FGF14: variants seen among roughly 807,000 people sequenced by gnomAD.
The protein encoded by FGF14 is fibroblast growth factor homologous factor 4.
A neutral mutation model predicts 25.5 loss-of-function variants in FGF14; 5 were observed. The observed-to-expected ratio is 0.20, with a 90% CI of 0.10 to 0.41. The LOEUF (loss-of-function observed/expected upper bound fraction) is 0.41. Among genes scored for constraint, FGF14 ranks in the 10% least tolerant of loss-of-function variants. The pLI is 1.00. For missense variants in FGF14, 222 were observed against 320.1 expected (o/e 0.69, Z 2.34); for synonymous variants, 138 against 118.3 (o/e 1.17, Z -1.08).
chr13:102,177,485 A>G (rs1015797843), intron 1 of FGF14, among the ~76,000 whole-genome samples: 2 of 152,148 alleles, frequency 1.3e-5, no homozygotes, highest in African/African-American at 4.8e-5. Context: ...TTCCAAGGAA[A>G]ATCATCAGCT....
intron 1 of FGF14, among the ~76,000 whole-genome samples, chr13:102,196,490 A>G (rs1472870417): frequency 6.6e-6 from 1 of 152,220 alleles, no homozygotes; most frequent in African/African-American, 2.4e-5. Context: ...ACTGAAGGAC[A>G]TCTGATAAAC....
At chr13:102,194,617 C>T (rs987594647) in intron 1 of FGF14, among the ~76,000 whole-genome samples, 1 of 152,050 alleles carries the variant, frequency 6.6e-6, no homozygotes, top group Admixed American at 6.6e-5. Flanking sequence ...CCCTGTGATG[C>T]TATCAAGTGT....
chr13:102,074,181 A>T (rs2043263046), intron 1 of FGF14, among the ~76,000 whole-genome samples: 1 of 152,062 alleles, frequency 6.6e-6, no homozygotes, highest in East Asian at 1.9e-4. Flanking sequence ...TGGCAATTTT[A>T]AAAAATTTTT....
At chr13:101,855,352 G>T (rs1424170252) in intron 3 of FGF14, among the ~76,000 whole-genome samples, 1 of 151,922 alleles carries the variant, frequency 6.6e-6, no homozygotes, top group Non-Finnish European at 1.5e-5. Context: ...CTATTTTAAA[G>T]TACCAAATGC....
intron 1 of FGF14, among the ~76,000 whole-genome samples, chr13:102,332,865 G>A (rs148212733): frequency 3.3e-5 from 5 of 152,258 alleles, no homozygotes; most frequent in African/African-American, 9.6e-5. Context: ...CATGATAAGT[G>A]ATACTTCTCA....
At chr13:102,042,636 G>A (rs2041797496) in intron 1 of FGF14, among the ~76,000 whole-genome samples, 1 of 150,746 alleles carries the variant, frequency 6.6e-6, no homozygotes, top group African/African-American at 2.5e-5. Flanking sequence ...TGCCATGTAA[G>A]CACAAAGGTA....
chr13:101,928,285 C>T (rs2034508549), intron 1 of FGF14, among the ~76,000 whole-genome samples: 1 of 152,144 alleles, frequency 6.6e-6, no homozygotes, highest in Admixed American at 6.6e-5. Context: ...AATAAAGACA[C>T]TTTTTAGTAC....
intron 1 of FGF14, among the ~76,000 whole-genome samples, chr13:102,100,471 C>T (rs529731418): frequency 2.6e-5 from 4 of 152,284 alleles, no homozygotes; most frequent in African/African-American, 7.2e-5. Flanking sequence ...GAGGTGCTTC[C>T]GGACCGCTTG....
intron 3 of FGF14, among the ~76,000 whole-genome samples, chr13:101,735,044 G>A (rs1377658252): frequency 6.6e-6 from 1 of 152,192 alleles, no homozygotes; most frequent in East Asian, 1.9e-4. Flanking sequence ...TGCTTGTGCA[G>A]CTGGGATTGC....
At chr13:101,737,526 T>A (rs2036266594) in intron 3 of FGF14, among the ~76,000 whole-genome samples, 1 of 152,186 alleles carries the variant, frequency 6.6e-6, no homozygotes, top group East Asian at 1.9e-4. Context: ...GGTTACTTTA[T>A]CTTCCTTTAT....
At chr13:102,059,218 T>C (rs1168947655) in intron 1 of FGF14, among the ~76,000 whole-genome samples, 2 of 152,208 alleles carry the variant, frequency 1.3e-5, no homozygotes, top group East Asian at 1.9e-4. Context: ...GGACACATTG[T>C]CACATCATCA....
chr13:102,002,094 GA>G (rs912499642), intron 1 of FGF14: 3 of 152,160 alleles, frequency 2.0e-5, no homozygotes, highest in Admixed American at 6.5e-5. Context: ...CACCCAGCAA[GA>G]GCCAAAAAAG....
chr13:101,888,867 T>C (rs1318875738), intron 1 of FGF14, among the ~76,000 whole-genome samples: 1 of 152,124 alleles, frequency 6.6e-6, no homozygotes, highest in East Asian at 1.9e-4. Flanking sequence ...ATGAATTGTG[T>C]CCCCCTAAAA....
chr13:101,925,788 C>A (rs186285019), intron 1 of FGF14, among the ~76,000 whole-genome samples: 15 of 152,294 alleles, frequency 9.8e-5, no homozygotes, highest in Admixed American at 7.2e-4. Flanking sequence ...CACATTTATT[C>A]TCTTCCAGTT....
chr13:101,853,352 T>TA (rs2043955545), intron 3 of FGF14, among the ~76,000 whole-genome samples: 1 of 152,122 alleles, frequency 6.6e-6, no homozygotes, highest in Non-Finnish European at 1.5e-5. Context: ...GACACTAACC[T>TA]ATTACCAACA....
chr13:102,032,998 A>G (rs964328730), intron 1 of FGF14, among the ~76,000 whole-genome samples: 8 of 152,104 alleles, frequency 5.3e-5, no homozygotes, highest in African/African-American at 1.9e-4. Flanking sequence ...ACAACAATCA[A>G]AACTTCACTT....
At chr13:101,779,706 C>T (rs1324579524) in intron 3 of FGF14, among the ~76,000 whole-genome samples, 1 of 152,098 alleles carries the variant, frequency 6.6e-6, no homozygotes, top group African/African-American at 2.4e-5. Flanking sequence ...TTGCACTGAA[C>T]ACTATCATTA....
At chr13:102,330,707 A>G (rs1213110435) in intron 1 of FGF14, among the ~76,000 whole-genome samples, 1 of 151,738 alleles carries the variant, frequency 6.6e-6, no homozygotes, top group African/African-American at 2.4e-5. Context: ...TGACCACCCT[A>G]CTCAAAACTG....
At chr13:102,289,698 C>G (rs1049212744) in intron 1 of FGF14, among the ~76,000 whole-genome samples, 1 of 152,154 alleles carries the variant, frequency 6.6e-6, no homozygotes, top group Non-Finnish European at 1.5e-5. Flanking sequence ...GACTTTCAGA[C>G]CCATAAGAAG....
Sources: gnomAD v4.1 joint callset for allele counts (sites outside exome capture counted in the v4.1 genomes callset) on GRCh38, gnomAD v4.1.1 for gene constraint, MANE v1.5 for transcripts, NCBI Gene and HGNC (gene_info 2026-07-23, HGNC 2026-07-21) for gene names.